PKHD1: variants seen among roughly 807,000 people sequenced by gnomAD.
The protein encoded by PKHD1 is fibrocystin.
A neutral mutation model predicts 412.0 loss-of-function variants in PKHD1; 291 were observed. The observed-to-expected ratio is 0.71, with a 90% CI of 0.64 to 0.78. The LOEUF (loss-of-function observed/expected upper bound fraction) is 0.78, where lower values mean the gene tolerates loss of function less well. Among genes scored for constraint, PKHD1 ranks in the 30% least tolerant of loss-of-function variants. The pLI, the probability that PKHD1 is intolerant of heterozygous loss-of-function variation, is 0.00. For missense variants in PKHD1, 4,825 were observed against 4,950.7 expected (o/e 0.97, Z 0.76); for synonymous variants, 1,777 against 1,821.5 (o/e 0.98, Z 0.62).
At chr6:51,762,338 C>T (rs1788153326) in intron 55 of PKHD1, among the ~76,000 whole-genome samples, 1 of 152,060 alleles carries the variant, frequency 6.6e-6, no homozygotes, top group Admixed American at 6.6e-5. Context: ...CCTTCAAAGA[C>T]TCACAGCAAA....
chr6:51,631,188 A>G (rs1767881866), intron 65 of PKHD1, among the ~76,000 whole-genome samples: 1 of 152,196 alleles, frequency 6.6e-6, no homozygotes, highest in Admixed American at 6.6e-5. Flanking sequence ...ACGGGATTAC[A>G]TGAGATAAAA....
chr6:52,054,813 C>A (rs989079698), intron 19 of PKHD1, among the ~76,000 whole-genome samples: 1 of 152,174 alleles, frequency 6.6e-6, no homozygotes, highest in African/African-American at 2.4e-5. Flanking sequence ...CCCTGGGGGG[C>A]AAAATCACCT....
In PKHD1 at chr6:51,747,670, G is replaced by C. The variant is rs1054607562; in HGVS notation, c.9829+117C>G. On this transcript the variant is annotated intron_variant, in intron 58 of 66. Coordinates refer to ENST00000371117, the MANE Select transcript of PKHD1 (RefSeq NM_138694.4). ...GTGGCTATCAATACTCAGCAGGTTG[G>C]ACAGCAAGCACTAGACCACAATGTA... 9 of 858,962 alleles carry C rather than the reference G, an allele frequency of 1.0e-5. No individual in the cohort carries two copies. In the Admixed American group the frequency reaches 1.5e-4, roughly 14 times the overall value. 53.2% of individuals were successfully genotyped at this position (858,962 alleles called of 1,614,324 possible).
At chr6:51,750,738 A>G (rs993741964) in intron 57 of PKHD1, among the ~76,000 whole-genome samples, 1 of 152,156 alleles carries the variant, frequency 6.6e-6, no homozygotes, top group Non-Finnish European at 1.5e-5. Context: ...AAATTAATCA[A>G]TTAGTAAAGA....
chr6:51,846,602 T>G (rs1771204395), intron 50 of PKHD1, among the ~76,000 whole-genome samples: 1 of 152,070 alleles, frequency 6.6e-6, no homozygotes, highest in South Asian at 2.1e-4. Context: ...TGAAATAAAC[T>G]CCAGGAAATC....
Position 51,870,577 on chromosome 6 carries a change from G to A in PKHD1, c.7413C>T (p.Asn2471=). 3 of 1,607,244 alleles carry A rather than the reference G, an allele frequency of 1.9e-6. No homozygotes were observed. Among genetic ancestry groups the A allele is most frequent in the Non-Finnish European group, 2.6e-6 (3 of 1,173,790 alleles). Residue 2471 remains asparagine (N), a synonymous_variant, in exon 47 of 67, where the codon AAC becomes AAT. Transcript: ENST00000371117. The part of the protein sequence containing the change: ...TPKRWELMVS[N]TTFVNFDLIN... ...TGAGATCAAAATTAACAAAGGTTGT[G>A]TTAGACACCATCAGTTCCCATCTTT...
In PKHD1 at chr6:51,904,033, G is replaced by A. The variant is rs375784210; in HGVS notation, c.6818C>T (p.Thr2273Met). Reference sequence around the variant, plus strand: ...CTCCCAGGAGATATATCTCATCTCCGTGCATGTCCCTGAGAACAAAAGACC... The same window carrying A: ...CTCCCAGGAGATATATCTCATCTCCATGCATGTCCCTGAGAACAAAAGACC... The part of the protein sequence containing the change: ...LGHALLVGTC[T>M]EMRYISWEAI... The change falls in exon 42 of 67, where the codon ACG becomes ATG. Residue 2273 changes from threonine (T) to methionine (M), a missense_variant. Coordinates refer to ENST00000371117, the MANE Select transcript of PKHD1 (RefSeq NM_138694.4). The A allele has an allele frequency of 1.4e-5, 22 of 1,591,632 alleles. No individual in the cohort carries two copies. Among genetic ancestry groups the A allele is most frequent in the African/African-American group, 4.0e-5 (3 of 74,156 alleles).
At position 52,028,277 on chromosome 6, in the gene PKHD1, C is replaced by T; in HGVS notation, c.3439G>A (p.Asp1147Asn). The T allele has an allele frequency of 6.2e-7, 1 of 1,614,172 alleles. No individual in the cohort carries two copies. The highest frequency in any genetic ancestry group is 8.5e-7 in the Non-Finnish European group (1 of 1,180,030). The change falls in exon 30 of 67, where the codon GAT becomes AAT. Residue 1147 changes from aspartate (D) to asparagine (N), a missense_variant. By Grantham distance (23) the Asp-to-Asn change is conservative. Coordinates refer to ENST00000371117, the MANE Select transcript of PKHD1 (RefSeq NM_138694.4). Reference protein sequence around the residue: ...TDLDVEVHVQDALAPVHTQSA... With the variant: ...TDLDVEVHVQNALAPVHTQSA... ...TGTGTGTGAACCGGAGCCAAGGCAT[C>T]CTGGACGTGGACTTCCACATCCAAA... is the stretch of plus-strand genomic sequence containing the variant.
In PKHD1 at chr6:51,754,784, C is replaced by T; in HGVS notation, c.8797G>A (p.Gly2933Arg). 1 of 1,613,246 alleles carries T rather than the reference C, an allele frequency of 6.2e-7. No individual in the cohort carries two copies. The highest frequency in any genetic ancestry group is 1.1e-5 in the South Asian group (1 of 91,066). The change falls in exon 56 of 67, where the codon GGA (glycine) becomes AGA (arginine). Residue 2933 changes from glycine (G) to arginine (R), a missense_variant and splice_region_variant. Gly to Arg is a moderately radical substitution (Grantham distance 125). Transcript: ENST00000371117. ...IYERLKHRHI[G>R]SVHVTEDGRH... The stretch of plus-strand genomic sequence containing the variant: ...CTTAACCAACAAACCAAAGCCTTAC[C>T]AATATGCCGGTGTTTGAGCCGTTCA...
At chr6:51,849,502 T>C (rs2073375319) in intron 49 of PKHD1, among the ~76,000 whole-genome samples, 1 of 152,160 alleles carries the variant, frequency 6.6e-6, no homozygotes, top group Admixed American at 6.5e-5. Context: ...CTAATTTACA[T>C]TCCCACCAAC....
chr6:51,619,508 T>C lies in PKHD1; in HGVS notation c.11798A>G (p.Lys3933Arg). The C allele has an allele frequency of 6.2e-7, 1 of 1,613,832 alleles. No homozygotes were observed. ...DTVVGEDMRMKVMLGKVNQCP... is the reference protein window; with the variant it reads ...DTVVGEDMRMRVMLGKVNQCP... ...CTGGTTCACCTTGCCCAGCATGACC[T>C]TCATTCTCATATCTGGGGGGAAAAG... is the stretch of plus-strand genomic sequence containing the variant. The change falls in exon 67 of 67, where the codon AAG becomes AGG. Residue 3933 changes from lysine to arginine, a missense_variant. Physicochemically the swap from Lys to Arg is conservative, Grantham distance 26. Coordinates refer to ENST00000371117, the MANE Select transcript of PKHD1 (RefSeq NM_138694.4).
intron 59 of PKHD1, among the ~76,000 whole-genome samples, chr6:51,746,193 T>C (rs1361137982): frequency 2.1e-4 from 32 of 152,294 alleles, no homozygotes; most frequent in Admixed American, 2.1e-3. Context: ...AATACCAATA[T>C]CTGCTAGACC....
chr6:51,819,071 G>T (rs907492706), intron 52 of PKHD1, among the ~76,000 whole-genome samples: 1 of 152,056 alleles, frequency 6.6e-6, no homozygotes, highest in Non-Finnish European at 1.5e-5. Context: ...CTTAATACCT[G>T]GACAACAAAA....
chr6:51,716,593 T>C (rs1014134710), intron 60 of PKHD1, among the ~76,000 whole-genome samples: 4 of 152,070 alleles, frequency 2.6e-5, no homozygotes, highest in African/African-American at 9.7e-5. Flanking sequence ...TGCTCCCCTT[T>C]CTTCTGGTTA....
chr6:52,045,919 T>C (rs1174410958), intron 24 of PKHD1, 85 bp downstream of exon 24: 6 of 906,540 alleles, frequency 6.6e-6, no homozygotes, highest in Non-Finnish European at 1.1e-5. Flanking sequence ...CATGACAGTT[T>C]CCATTTGTAT....
chr6:51,903,728 C>T lies in PKHD1; in HGVS notation c.6866-1G>A. 2 of 1,609,188 alleles carry T rather than the reference C, an allele frequency of 1.2e-6. No homozygotes were observed. The highest frequency in any genetic ancestry group is 2.2e-5 in the South Asian group (2 of 90,960). ...ATTATATTTCCATGTCCTGACCAGT[C>T]TAATGTTTCAACAAATCCAGGGGAT... On this transcript the variant is annotated splice_acceptor_variant, in intron 42 of 66. Transcript: ENST00000371117. LOFTEE classifies it high-confidence loss of function.
intron 60 of PKHD1, among the ~76,000 whole-genome samples, chr6:51,714,653 A>G (rs1177824351): frequency 2.0e-5 from 3 of 152,218 alleles, no homozygotes; most frequent in Non-Finnish European, 2.9e-5. Context: ...TCACATGCTC[A>G]ATACCTACCT....
chr6:51,830,796 A>G (rs982601196), intron 52 of PKHD1, 65 bp downstream of exon 52: 1 of 1,454,482 alleles, frequency 6.9e-7, no homozygotes, highest in African/African-American at 1.4e-5. Flanking sequence ...AATATAAATG[A>G]AACATAATCA....
chr6:51,881,313 ATATC>A (rs1777308841), intron 46 of PKHD1, among the ~76,000 whole-genome samples: 1 of 152,120 alleles, frequency 6.6e-6, no homozygotes, highest in African/African-American at 2.4e-5. Context: ...GCAAATCAAC[ATATC>A]TATTATCTCA....
Sources: gnomAD v4.1 joint callset for allele counts (sites outside exome capture counted in the v4.1 genomes callset) on GRCh38, gnomAD v4.1.1 for gene constraint, MANE v1.5 for transcripts, NCBI Gene and HGNC (gene_info 2026-07-23, HGNC 2026-07-21) for gene names.